Variants in PLCZ1 observed in about 807,000 individuals in gnomAD.
PLCZ1 encodes phospholipase C zeta 1.
PLCZ1 carries 64 observed loss-of-function variants against 76.8 expected under a neutral mutation model. The ratio of observed to expected loss-of-function variants is 0.83; its 90% CI spans 0.68 to 1.03. PLCZ1 has a LOEUF of 1.03. Among genes scored for constraint, PLCZ1 ranks in the 50% least tolerant of loss-of-function variants. PLCZ1 has a pLI of 0.00. For synonymous variants in PLCZ1, 248 were observed against 230.8 expected (o/e 1.07, Z -0.68); for missense variants, 751 against 713.7 (o/e 1.05, Z -0.60).
At position 18,719,427 on chromosome 12, in the gene PLCZ1, A is replaced by G. The variant is rs1958308166; in HGVS notation, c.569+4T>C. On this transcript the variant is annotated splice_donor_region_variant and intron_variant, in intron 5 of 14. Transcript: ENST00000266505. ...TGTAATAGATTTAAAAATAAAATAA[A>G]TACCTTACATATCCCCAAAGGTCAC... is the stretch of plus-strand genomic sequence containing the variant. 1 of 1,434,380 alleles carries G rather than the reference A, an allele frequency of 7.0e-7. No individual in the cohort carries two copies. The highest frequency in any genetic ancestry group is 1.5e-5 in the African/African-American group (1 of 68,688). The allele number at this position is 1,434,380 out of a possible 1,614,324, so 88.9% of individuals were successfully genotyped here.
Position 18,712,890 on chromosome 12 carries a change from T to G in PLCZ1, c.666A>C (p.Lys222Asn), listed in dbSNP as rs1374316725. ...VVYHGYTLTSKLLFKTVIQAI... is the reference protein window; with the variant it reads ...VVYHGYTLTSNLLFKTVIQAI... ...CTTGGATAACAGTTTTAAACAGAAG[T>G]TTGCTTGTGAGTGTGTAGCCATGAT... is the stretch of plus-strand genomic sequence containing the variant. The change falls in exon 6 of 15, where the codon AAA (lysine) becomes AAC (asparagine). Residue 222 changes from lysine (K) to asparagine (N), a missense_variant. Transcript: ENST00000266505. 6.2e-7 allele frequency: 1 copy of G among 1,613,942 alleles called. No individual in the cohort carries two copies. Among genetic ancestry groups the G allele is most frequent in the Non-Finnish European group, 8.5e-7 (1 of 1,179,862 alleles).
At chr12:18,735,970 C>T in intron 3 of PLCZ1, 2 of 352,488 alleles carry the variant, frequency 5.7e-6, no homozygotes, top group Non-Finnish European at 1.0e-5. Context: ...AATTAGACAT[C>T]CAATCCTAGG....
Position 18,722,786 on chromosome 12 carries a change from G to A in PLCZ1, c.367+525C>T, listed in dbSNP as rs74877026. On this transcript the variant is annotated intron_variant, in intron 4 of 14. Coordinates refer to ENST00000266505, the MANE Select transcript of PLCZ1 (RefSeq NM_033123.4). ...ATGTGTTCAAAAATGAAGAACAAGC[G>A]AAAAGTATATATATTTACGAAATGT... Among the ~76,000 whole-genome samples the A allele has an allele frequency of 3.1e-3, 472 of 151,910 alleles. 3 individuals are homozygous for A. Among genetic ancestry groups the A allele is most frequent in the African/African-American group, 0.011 (458 of 41,470 alleles).
intron 2 of PLCZ1, chr12:18,736,584 A>C: frequency 5.1e-6 from 6 of 1,172,422 alleles, no homozygotes; most frequent in Non-Finnish European, 6.4e-6. Context: ...TTAAAGTTAA[A>C]ATTTGAGAAT....
intron 13 of PLCZ1, among the ~76,000 whole-genome samples, chr12:18,687,808 C>T (rs1314206284): frequency 6.6e-6 from 1 of 151,742 alleles, no homozygotes; most frequent in African/African-American, 2.4e-5. Context: ...CTTCTTAATT[C>T]GGTGATATGA....
intron 7 of PLCZ1, 27 bp from the exon 8 acceptor site, chr12:18,701,803 T>A: frequency 6.4e-7 from 1 of 1,574,434 alleles, no homozygotes; most frequent in Non-Finnish European, 8.6e-7. Flanking sequence ...AGAGATACAA[T>A]TACACATTTA....
At chr12:18,694,806 A>G (rs955452475) in intron 12 of PLCZ1, 104 bp downstream of exon 12, 1 of 953,046 alleles carries the variant, frequency 1.0e-6, no homozygotes, top group African/African-American at 1.7e-5. Context: ...ATTAACAGAA[A>G]TTTAAAAGAA....
the PLCZ1 span, among the ~76,000 whole-genome samples, chr12:18,662,009 G>A: frequency 1.3e-5 from 2 of 152,058 alleles, no homozygotes; most frequent in East Asian, 1.9e-4. Flanking sequence ...ATTATCCTAA[G>A]TGAACTAACG....
chr12:18,671,004 CCT>C, the PLCZ1 span, among the ~76,000 whole-genome samples: 1 of 151,638 alleles, frequency 6.6e-6, no homozygotes, highest in Non-Finnish European at 1.5e-5. Context: ...ATGGTGAAAC[CCT>C]GTCTCCACTA....
intron 5 of PLCZ1, 40 bp from the exon 6 acceptor site, chr12:18,713,026 C>A: frequency 1.9e-6 from 3 of 1,610,154 alleles, no homozygotes; most frequent in South Asian, 1.1e-5. Context: ...ACTCCTGGAC[C>A]ATTAAAAATA....
intron 12 of PLCZ1, 129 bp downstream of exon 12, chr12:18,694,781 A>G (rs1477472865): frequency 2.2e-5 from 16 of 732,488 alleles, no homozygotes; most frequent in Non-Finnish European, 3.5e-5. Context: ...CTACCCACAT[A>G]TAGTACCTGA....
intron 5 of PLCZ1, among the ~76,000 whole-genome samples, chr12:18,715,305 T>TTGGTGAATC (rs1244445807): frequency 1.3e-5 from 2 of 151,548 alleles, no homozygotes; most frequent in Non-Finnish European, 2.9e-5. Context: ...AGAAAGAGAA[T>TTGGTGAATC]TGGTGAATCT....
rs770866479 is a variant in PLCZ1 at position 18,736,353 on chromosome 12, A to T, written c.12-9T>A. On this transcript the variant is annotated splice_polypyrimidine_tract_variant and intron_variant, in intron 2 of 14. Transcript: ENST00000266505. ...TCTTTGACAAAAACCATGTAGAAGCACAAAAAAGTTAAGGAAATTCTCACA... is the reference window on the plus strand; with the variant it reads ...TCTTTGACAAAAACCATGTAGAAGCTCAAAAAAGTTAAGGAAATTCTCACA... 3 of 1,609,984 alleles carry T rather than the reference A, an allele frequency of 1.9e-6. No individual in the cohort carries two copies. Among genetic ancestry groups the T allele is most frequent in the Non-Finnish European group, 2.5e-6 (3 of 1,178,402 alleles).
At chr12:18,720,438 T>G (rs1054609640) in intron 4 of PLCZ1, among the ~76,000 whole-genome samples, 6 of 151,312 alleles carry the variant, frequency 4.0e-5, no homozygotes, top group Non-Finnish European at 7.4e-5. Context: ...ATCTCTGAAC[T>G]GTTTTACTCA....
At chr12:18,701,111 A>G (rs1287664459) in intron 9 of PLCZ1, among the ~76,000 whole-genome samples, 1 of 151,976 alleles carries the variant, frequency 6.6e-6, no homozygotes, top group East Asian at 1.9e-4. Context: ...CAGCGTCACA[A>G]GTAGTTGGAA....
intron 5 of PLCZ1, among the ~76,000 whole-genome samples, chr12:18,718,033 T>C (rs1958180273): frequency 6.6e-6 from 1 of 152,134 alleles, no homozygotes; most frequent in African/African-American, 2.4e-5. Context: ...TATGGTGTCC[T>C]GTGTTGCCAG....
At chr12:18,648,779 C>T in the PLCZ1 span, among the ~76,000 whole-genome samples, 2 of 152,130 alleles carry the variant, frequency 1.3e-5, no homozygotes, top group East Asian at 1.9e-4. Context: ...TTCGTAGTCA[C>T]CATTACCAGG....
At chr12:18,695,820 G>A (rs754064617) in intron 11 of PLCZ1, among the ~76,000 whole-genome samples, 5 of 152,118 alleles carry the variant, frequency 3.3e-5, no homozygotes, top group Non-Finnish European at 5.9e-5. Context: ...GATTTGAAGA[G>A]GCCTTGAGCA....
chr12:18,736,030 C>A, intron 3 of PLCZ1, 191 bp downstream of exon 3: 1 of 546,822 alleles, frequency 1.8e-6, no homozygotes. Context: ...AAACTGATAT[C>A]CTGGTATTAT....
Sources: allele counts gnomAD v4.1 joint callset (sites outside exome capture counted in the v4.1 genomes callset), GRCh38; gene constraint gnomAD v4.1.1; transcripts MANE v1.5; gene names NCBI Gene and HGNC (gene_info 2026-07-23, HGNC 2026-07-21).